The following CDH18 variants were observed in gnomAD, a reference collection of about 807,000 sequenced individuals.
CDH18 encodes cadherin 18.
In CDH18, 31 loss-of-function variants were observed where a neutral mutation model predicts 67.9. The observed-to-expected ratio is 0.46, with a 90% confidence interval of 0.34 to 0.62. The LOEUF is 0.62. Ranked by LOEUF, CDH18 falls within the 20% of genes least tolerant of loss-of-function variation. The probability of loss-of-function intolerance (pLI) is 0.01; values close to 1 mark genes in which losing one functional copy is unlikely to be tolerated. For missense variants in CDH18, 890 were observed against 975.5 expected, an observed-to-expected ratio of 0.91 and a Z score of 1.17; for synonymous variants, 362 against 347.2, an observed-to-expected ratio of 1.04 and a Z score of -0.48.
chr5:19,906,691 T>C (rs1180294798), intron 2 of CDH18, among the ~76,000 whole-genome samples: 1 of 152,042 alleles, frequency 6.6e-6, no homozygotes, highest in African/African-American at 2.4e-5. Flanking sequence ...TCCCTGCTCA[T>C]TCACCTATTC....
intron 1 of CDH18, among the ~76,000 whole-genome samples, chr5:20,447,978 G>A (rs1750134370): frequency 1.3e-5 from 2 of 151,782 alleles, no homozygotes; most frequent in South Asian, 2.1e-4. Flanking sequence ...ATGTATACAT[G>A]TGCCATGTTG....
chr5:20,324,651 C>T (rs1283465629), intron 1 of CDH18, among the ~76,000 whole-genome samples: 2 of 152,098 alleles, frequency 1.3e-5, no homozygotes, highest in African/African-American at 4.8e-5. Flanking sequence ...CATCATTTAG[C>T]ATAATCTTTC....
At chr5:19,811,343 A>C (rs1778723744) in intron 3 of CDH18, among the ~76,000 whole-genome samples, 1 of 152,140 alleles carries the variant, frequency 6.6e-6, no homozygotes, top group African/African-American at 2.4e-5. Flanking sequence ...TCATTAAGGC[A>C]GTCATTAATC....
chr5:20,157,645 C>CTT (rs538867743), intron 2 of CDH18, among the ~76,000 whole-genome samples: 23 of 136,694 alleles, frequency 1.7e-4, no homozygotes, highest in East Asian at 8.5e-4. Context: ...CTTTAACCCA[C>CTT]TTTTTTTTTT....
intron 1 of CDH18, among the ~76,000 whole-genome samples, chr5:20,485,794 T>G (rs1272694519): frequency 6.6e-6 from 1 of 152,170 alleles, no homozygotes; most frequent in Non-Finnish European, 1.5e-5. Flanking sequence ...ATGGGATATC[T>G]TGTAGGAAAA....
At chr5:20,466,886 G>A (rs944837419) in intron 1 of CDH18, among the ~76,000 whole-genome samples, 1 of 152,036 alleles carries the variant, frequency 6.6e-6, no homozygotes, top group Non-Finnish European at 1.5e-5. Flanking sequence ...AATGGAAATA[G>A]GAATGTGTTC....
At chr5:19,561,535 A>C (rs1003972904) in intron 8 of CDH18, among the ~76,000 whole-genome samples, 1 of 152,068 alleles carries the variant, frequency 6.6e-6, no homozygotes, top group African/African-American at 2.4e-5. Context: ...AGGAATAAAC[A>C]CTACACATTG....
intron 2 of CDH18, among the ~76,000 whole-genome samples, chr5:20,184,852 C>T (rs183326821): frequency 5.1e-4 from 77 of 152,150 alleles, no homozygotes; most frequent in African/African-American, 1.7e-3. Flanking sequence ...CAATTCTTAA[C>T]TAGGTGTATA....
chr5:20,128,930 A>G (rs1749044728), intron 2 of CDH18, among the ~76,000 whole-genome samples: 1 of 151,976 alleles, frequency 6.6e-6, no homozygotes, highest in Admixed American at 6.6e-5. Flanking sequence ...TTTAGAATTG[A>G]TCTTCTATAA....
At chr5:20,285,552 C>T (rs1006997771) in intron 1 of CDH18, among the ~76,000 whole-genome samples, 5 of 150,654 alleles carry the variant, frequency 3.3e-5, no homozygotes, top group Non-Finnish European at 4.4e-5. Context: ...TTTTCTCTTC[C>T]GTGTATAAAT....
At chr5:20,414,108 T>C (rs989393801) in intron 1 of CDH18, among the ~76,000 whole-genome samples, 1 of 152,220 alleles carries the variant, frequency 6.6e-6, no homozygotes, top group Non-Finnish European at 1.5e-5. Flanking sequence ...TGGAAATTAG[T>C]TCAGCTCCTG....
At chr5:20,383,951 G>A (rs541493660) in intron 1 of CDH18, among the ~76,000 whole-genome samples, 1 of 151,642 alleles carries the variant, frequency 6.6e-6, no homozygotes, top group Non-Finnish European at 1.5e-5. Flanking sequence ...ATGAGAAAAG[G>A]GATCTAAAAT....
intron 1 of CDH18, among the ~76,000 whole-genome samples, chr5:20,554,142 G>T (rs1232268487): frequency 2.6e-5 from 4 of 152,110 alleles, no homozygotes; most frequent in African/African-American, 9.7e-5. Flanking sequence ...TAAAGTGCTA[G>T]ATATCTAGTC....
At chr5:19,629,804 G>C (rs552166964) in intron 5 of CDH18, among the ~76,000 whole-genome samples, 3 of 152,024 alleles carry the variant, frequency 2.0e-5, no homozygotes, top group African/African-American at 7.2e-5. Flanking sequence ...AAATTTGAAA[G>C]ACTTTTCACA....
chr5:19,670,666 C>T (rs1379503938), intron 5 of CDH18, among the ~76,000 whole-genome samples: 1 of 152,060 alleles, frequency 6.6e-6, no homozygotes, highest in Non-Finnish European at 1.5e-5. Context: ...TTATTATATC[C>T]TTTGAAGTCT....
intron 2 of CDH18, among the ~76,000 whole-genome samples, chr5:19,937,738 A>G (rs1794426526): frequency 6.6e-6 from 1 of 151,130 alleles, no homozygotes; most frequent in South Asian, 2.1e-4. Context: ...GAGAGAAATG[A>G]GACTTCCTCT....
intron 5 of CDH18, among the ~76,000 whole-genome samples, chr5:19,708,617 C>T (rs1764268426): frequency 6.6e-6 from 1 of 152,192 alleles, no homozygotes; most frequent in East Asian, 1.9e-4. Context: ...ACACCTGGCC[C>T]ACTCAGGGCA....
intron 1 of CDH18, among the ~76,000 whole-genome samples, chr5:20,531,410 A>C (rs968418808): frequency 6.6e-6 from 1 of 152,110 alleles, no homozygotes; most frequent in Non-Finnish European, 1.5e-5. Flanking sequence ...AGAAATATAA[A>C]TCATTCCACT....
At chr5:20,197,034 C>G (rs564746843) in intron 2 of CDH18, among the ~76,000 whole-genome samples, 1 of 152,042 alleles carries the variant, frequency 6.6e-6, no homozygotes, top group African/African-American at 2.4e-5. Flanking sequence ...TCTTTTGAGA[C>G]AGAGTCTCGC....
Sources: gnomAD v4.1 joint callset for allele counts (sites outside exome capture counted in the v4.1 genomes callset) on GRCh38, gnomAD v4.1.1 for gene constraint, MANE v1.5 for transcripts, NCBI Gene and HGNC (gene_info 2026-07-23, HGNC 2026-07-21) for gene names.